The following USP35 variants were observed in gnomAD, a reference collection of about 807,000 sequenced individuals.
USP35 encodes the protein ubiquitin carboxyl-terminal hydrolase 35.
In USP35, 69 loss-of-function variants were observed where a neutral mutation model predicts 83.8. The observed-to-expected ratio is 0.82, with a 90% CI of 0.68 to 1.01. The LOEUF is 1.01. USP35 is among the 50% of genes least tolerant of loss of function. The pLI, the probability that USP35 is intolerant of heterozygous loss-of-function variation, is 0.00. For synonymous variants in USP35, 714 were observed against 589.5 expected, an observed-to-expected ratio of 1.21 and a Z score of -3.06; for missense variants, 1,503 against 1,362.5, an observed-to-expected ratio of 1.10 and a Z score of -1.62.
At position 78,208,630 on chromosome 11, in the gene USP35, C is replaced by T. The variant is rs529806903; in HGVS notation, c.1486-227C>T. Among the ~76,000 whole-genome samples the T allele has an allele frequency of 5.3e-5, 8 of 152,284 alleles. No individual in the cohort carries two copies. The South Asian group carries it at 8.3e-4, about 16-fold the overall frequency. ...TGCCAGGAAGAGAAGATTCCTAGAG[C>T]CTCGTTCATTTCTCTGAGCCCAATG... On this transcript the variant is annotated intron_variant, in intron 8 of 10. Coordinates refer to ENST00000529308, the MANE Select transcript of USP35 (RefSeq NM_020798.4).
chr11:78,219,951 G>C (rs892964356), downstream of USP35, among the ~76,000 whole-genome samples: 1 of 152,136 alleles, frequency 6.6e-6, no homozygotes, highest in Non-Finnish European at 1.5e-5. Flanking sequence ...ATCGACGGCA[G>C]GGCTCTGGAC....
At chr11:78,207,357 G>A (rs1460373680) in intron 7 of USP35, 173 bp from the exon 8 acceptor site, 1 of 619,490 alleles carries the variant, frequency 1.6e-6, no homozygotes, top group Admixed American at 2.8e-5. Context: ...GATACCCCAG[G>A]CTGAGTTGTT....
At chr11:78,203,474 C>T (rs1317377492) in intron 6 of USP35, among the ~76,000 whole-genome samples, 2 of 152,188 alleles carry the variant, frequency 1.3e-5, no homozygotes, top group Non-Finnish European at 2.9e-5. Flanking sequence ...GGGGAACTCA[C>T]CCAAAGTAGC....
chr11:78,228,553 TAC>T, the USP35 span, among the ~76,000 whole-genome samples: 1 of 152,342 alleles, frequency 6.6e-6, no homozygotes, highest in East Asian at 1.9e-4. Flanking sequence ...GTTTGTTATT[TAC>T]AGATGTGGCC....
the USP35 span, among the ~76,000 whole-genome samples, chr11:78,230,278 C>T: frequency 2.0e-5 from 3 of 152,212 alleles, no homozygotes; most frequent in Non-Finnish European, 4.4e-5. Context: ...CCCTCTACCC[C>T]GGCATCCTCC....
chr11:78,235,246 G>A, the USP35 span, among the ~76,000 whole-genome samples: 3 of 151,710 alleles, frequency 2.0e-5, no homozygotes, highest in Non-Finnish European at 4.4e-5. Flanking sequence ...TCCGCCTCCC[G>A]GGTTCACGCC....
chr11:78,234,375 G>A, the USP35 span, among the ~76,000 whole-genome samples: 33 of 152,160 alleles, frequency 2.2e-4, no homozygotes, highest in Non-Finnish European at 2.2e-4. Flanking sequence ...GAACTACTGC[G>A]CCCAGCCTAG....
At chr11:78,231,796 A>G in the USP35 span, 4 of 152,206 alleles carry the variant, frequency 2.6e-5, no homozygotes, top group Non-Finnish European at 5.9e-5. Context: ...AACCCTAATG[A>G]TGAAGGACTC....
chr11:78,209,359 G>A, intron 9 of USP35, 89 bp from the exon 10 acceptor site: 2 of 1,368,860 alleles, frequency 1.5e-6, no homozygotes, highest in Non-Finnish European at 2.0e-6. Context: ...ATGTGTGGCT[G>A]TTGGGGAAGG....
At chr11:78,221,841 C>T in the USP35 span, 2 of 1,206,584 alleles carry the variant, frequency 1.7e-6, no homozygotes, top group Non-Finnish European at 2.4e-6. Flanking sequence ...TGTTTCTAGC[C>T]TCCAGCTGGG....
intron 10 of USP35, among the ~76,000 whole-genome samples, chr11:78,211,761 T>A (rs1264404232): frequency 6.6e-6 from 1 of 152,276 alleles, no homozygotes; most frequent in Non-Finnish European, 1.5e-5. Flanking sequence ...TTGAGAAGTG[T>A]CTGTTCATGT....
chr11:78,197,829 T>C, intron 2 of USP35, 107 bp from the exon 3 acceptor site: 1 of 1,452,974 alleles, frequency 6.9e-7, no homozygotes. Flanking sequence ...TCTGCTGTGC[T>C]CTTCCTAGAG....
At position 78,214,772 on chromosome 11, in the gene USP35, G is replaced by A. The variant is rs543874825; in HGVS notation, c.*959G>A. 1 of 150,888 alleles carries A rather than the reference G, an allele frequency of 6.6e-6. No individual in the cohort carries two copies. The highest frequency in any genetic ancestry group is 1.9e-4 in the East Asian group (1 of 5,198). 9.3% of individuals were successfully genotyped at this position (150,888 alleles called of 1,614,324 possible). A position where few individuals can be genotyped will look rare whatever the true frequency, so the allele number is the denominator to read the frequency against. The stretch of plus-strand genomic sequence containing the variant: ...CACTGGGTTTTGCTCACGGGGTCTG[G>A]GGAGGCCAGGACTCAGCCTGCCCCC... On this transcript the variant is annotated 3_prime_UTR_variant, in exon 11 of 11. Transcript: ENST00000529308.
At chr11:78,229,273 A>C in the USP35 span, among the ~76,000 whole-genome samples, 639 of 152,256 alleles carry the variant, frequency 4.2e-3, 2 homozygotes, top group Admixed American at 7.8e-3. Context: ...TTGAAGGCTC[A>C]AAGATGTAGA....
intron 9 of USP35, 139 bp downstream of exon 9, chr11:78,209,102 G>C: frequency 1.1e-6 from 1 of 890,972 alleles, no homozygotes; most frequent in African/African-American, 1.7e-5. Flanking sequence ...GAAGGGGTGT[G>C]CTGGAAGGGC....
At chr11:78,199,871 T>A in intron 4 of USP35, 147 bp downstream of exon 4, 1 of 1,332,922 alleles carries the variant, frequency 7.5e-7, no homozygotes, top group Non-Finnish European at 1.0e-6. Flanking sequence ...TCTCTGGGCC[T>A]CAGATTCTCC....
the USP35 span, chr11:78,221,687 T>G: frequency 6.2e-7 from 1 of 1,609,918 alleles, no homozygotes; most frequent in Non-Finnish European, 8.5e-7. Flanking sequence ...CATAGGGACA[T>G]AGTTCTCTTC....
chr11:78,214,073 CTT>C lies in USP35; in HGVS notation c.*262_*263del, dbSNP rs1456202249. 1 of 381,544 alleles carries C rather than the reference CTT, an allele frequency of 2.6e-6. No individual in the cohort carries two copies. Among genetic ancestry groups the C allele is most frequent in the Admixed American group, 4.9e-5 (1 of 20,392 alleles). 23.6% of individuals were successfully genotyped at this position (381,544 alleles called of 1,614,324 possible). A position where few individuals can be genotyped will look rare whatever the true frequency, so the allele number is the denominator to read the frequency against. ...GCAGCCGAGATGGGCACACACGGGT[CTT>C]TGCCTCCCCCTCCTTCCCTAGCAGG... On this transcript the variant is annotated 3_prime_UTR_variant, in exon 11 of 11. Transcript: ENST00000529308.
chr11:78,197,248 G>T (rs1332578647), intron 2 of USP35, among the ~76,000 whole-genome samples: 9 of 148,196 alleles, frequency 6.1e-5, no homozygotes, highest in Admixed American at 5.3e-4. Context: ...TGGGGGGGGG[G>T]GTCATTATGG....
Sources: allele counts gnomAD v4.1 joint callset (sites outside exome capture counted in the v4.1 genomes callset), GRCh38; gene constraint gnomAD v4.1.1; transcripts MANE v1.5; gene names NCBI Gene and HGNC (gene_info 2026-07-23, HGNC 2026-07-21).